DIAPH3: variants seen among roughly 807,000 people sequenced by gnomAD.
DIAPH3 encodes the protein diaphanous related formin 3, also known as protein diaphanous homolog 3.
DIAPH3 carries 117 observed loss-of-function variants against 144.3 expected under a neutral mutation model. The observed-to-expected ratio is 0.81, with a 90% CI of 0.70 to 0.95. DIAPH3 has a LOEUF of 0.95. Among genes scored for constraint, DIAPH3 ranks in the 40% least tolerant of loss-of-function variants. DIAPH3 has a pLI of 0.00. For synonymous variants in DIAPH3, 519 were observed against 488.9 expected, an observed-to-expected ratio of 1.06 and a Z score of -0.81; for missense variants, 1,421 against 1,412.7, an observed-to-expected ratio of 1.01 and a Z score of -0.09.
chr13:59,718,673 T>C (rs903103055), intron 27 of DIAPH3, among the ~76,000 whole-genome samples: 14 of 152,192 alleles, frequency 9.2e-5, no homozygotes, highest in Non-Finnish European at 2.1e-4. Flanking sequence ...ATACAACATA[T>C]ATAATTGAGA....
At chr13:59,757,594 G>T (rs2037354066) in intron 27 of DIAPH3, among the ~76,000 whole-genome samples, 1 of 151,862 alleles carries the variant, frequency 6.6e-6, no homozygotes, top group Non-Finnish European at 1.5e-5. Flanking sequence ...TAGAGATGGG[G>T]TTTCACCGTG....
At chr13:60,006,470 T>C (rs569264835) in intron 9 of DIAPH3, among the ~76,000 whole-genome samples, 103 of 152,204 alleles carry the variant, frequency 6.8e-4, no homozygotes, top group Admixed American at 2.4e-3. Flanking sequence ...GATAAAGTAA[T>C]GGTTCAACTT....
At chr13:59,847,286 T>A (rs2042697583) in intron 22 of DIAPH3, among the ~76,000 whole-genome samples, 1 of 152,168 alleles carries the variant, frequency 6.6e-6, no homozygotes, top group Non-Finnish European at 1.5e-5. Flanking sequence ...TTTTGTTGTT[T>A]TTACATAATA....
intron 2 of DIAPH3, among the ~76,000 whole-genome samples, chr13:60,122,500 C>G (rs575788425): frequency 1.6e-3 from 243 of 152,242 alleles, no homozygotes; most frequent in Non-Finnish European, 2.9e-3. Context: ...TCTGAACTTA[C>G]CACAGTTCTA....
At chr13:60,074,208 C>T (rs934732240) in intron 4 of DIAPH3, among the ~76,000 whole-genome samples, 2 of 152,166 alleles carry the variant, frequency 1.3e-5, no homozygotes, top group African/African-American at 4.8e-5. Flanking sequence ...TTAGCACATA[C>T]TTAGGGCCCA....
At chr13:60,081,369 A>G (rs180908913) in intron 4 of DIAPH3, among the ~76,000 whole-genome samples, 214 of 152,210 alleles carry the variant, frequency 1.4e-3, no homozygotes, top group Non-Finnish European at 2.5e-3. Flanking sequence ...GCTAACAGCT[A>G]AAAGTTACAT....
intron 13 of DIAPH3, among the ~76,000 whole-genome samples, chr13:59,982,688 A>G (rs970877116): frequency 6.6e-6 from 1 of 151,656 alleles, no homozygotes; most frequent in Non-Finnish European, 1.5e-5. Flanking sequence ...ACAATGTGGA[A>G]TCACATATCA....
Position 59,861,243 on chromosome 13 carries a change from A to G in DIAPH3, c.2737+164T>C, listed in dbSNP as rs1481783355. 4 of 1,516,818 alleles carry G rather than the reference A, an allele frequency of 2.6e-6. No individual in the cohort carries two copies. In the East Asian group the frequency reaches 9.8e-5, roughly 37 times the overall value. The allele number at this position is 1,516,818 out of a possible 1,614,324, so 94.0% of individuals were successfully genotyped here. A position where few individuals can be genotyped will look rare whatever the true frequency, so the allele number is the denominator to read the frequency against. ...ACAAATTAAACTCATAGCTCCAATC[A>G]TGACAACTCATAATATCCTACAACT... is the stretch of plus-strand genomic sequence containing the variant. On this transcript the variant is annotated intron_variant, in intron 22 of 27. Coordinates refer to ENST00000400324, the MANE Select transcript of DIAPH3 (RefSeq NM_001042517.2).
chr13:59,974,521 T>C (rs541944152), intron 14 of DIAPH3, 65 bp from the exon 15 acceptor site: 11 of 1,323,940 alleles, frequency 8.3e-6, no homozygotes, highest in East Asian at 2.3e-5. Flanking sequence ...ATTCTTCTTA[T>C]AGAAATGTGA....
At chr13:60,119,802 C>T (rs2058799751) in intron 2 of DIAPH3, among the ~76,000 whole-genome samples, 1 of 142,370 alleles carries the variant, frequency 7.0e-6, no homozygotes, top group African/African-American at 2.6e-5. Context: ...TTTTAAGTCA[C>T]TAAGTTTTGG....
At chr13:60,045,625 T>C (rs1014287389) in intron 4 of DIAPH3, among the ~76,000 whole-genome samples, 1 of 152,200 alleles carries the variant, frequency 6.6e-6, no homozygotes, top group Non-Finnish European at 1.5e-5. Context: ...CTTGATATCA[T>C]AAATTTTTCA....
intron 20 of DIAPH3, among the ~76,000 whole-genome samples, chr13:59,901,438 G>T (rs895273865): frequency 6.6e-6 from 1 of 152,074 alleles, no homozygotes; most frequent in Admixed American, 6.6e-5. Flanking sequence ...AGTCACTCCG[G>T]CTTCTGCTCA....
chr13:60,011,948 T>C (rs971779404), intron 7 of DIAPH3, among the ~76,000 whole-genome samples: 5 of 152,058 alleles, frequency 3.3e-5, no homozygotes, highest in Non-Finnish European at 5.9e-5. Flanking sequence ...ATACAGAAGA[T>C]GAATAGAAAC....
intron 4 of DIAPH3, among the ~76,000 whole-genome samples, chr13:60,082,169 C>A (rs1374452848): frequency 6.6e-6 from 1 of 150,694 alleles, no homozygotes; most frequent in Non-Finnish European, 1.5e-5. Flanking sequence ...ATAAAAAAAT[C>A]ATTTCAGAAA....
At chr13:60,056,225 T>A (rs1401468946) in intron 4 of DIAPH3, among the ~76,000 whole-genome samples, 1 of 149,832 alleles carries the variant, frequency 6.7e-6, no homozygotes, top group Non-Finnish European at 1.5e-5. Context: ...ATTTTATATG[T>A]TATATATAAT....
chr13:59,902,121 G>C (rs2046468693), intron 20 of DIAPH3, among the ~76,000 whole-genome samples: 1 of 152,114 alleles, frequency 6.6e-6, no homozygotes, highest in Non-Finnish European at 1.5e-5. Flanking sequence ...TATTTTGACT[G>C]TTAAACATGT....
At chr13:60,052,980 A>AAAAAAAAAAAAG (rs1566716662) in intron 4 of DIAPH3, among the ~76,000 whole-genome samples, 1 of 142,712 alleles carries the variant, frequency 7.0e-6, no homozygotes, top group African/African-American at 2.6e-5. Flanking sequence ...AAAAAAAAAA[A>AAAAAAAAAAAAG]GAAATAATAA....
intron 27 of DIAPH3, among the ~76,000 whole-genome samples, chr13:59,773,045 A>G (rs921171242): frequency 3.3e-5 from 5 of 152,108 alleles, no homozygotes; most frequent in South Asian, 2.1e-4. Context: ...ATATGTCACA[A>G]TGGCTCTAAA....
chr13:60,100,542 G>A (rs565224446), intron 3 of DIAPH3, among the ~76,000 whole-genome samples: 5 of 152,192 alleles, frequency 3.3e-5, no homozygotes, highest in South Asian at 2.1e-4. Context: ...TAGCAATATC[G>A]TCTCAGTATT....
Sources: gnomAD v4.1 joint callset for allele counts (sites outside exome capture counted in the v4.1 genomes callset) on GRCh38, gnomAD v4.1.1 for gene constraint, MANE v1.5 for transcripts, NCBI Gene and HGNC (gene_info 2026-07-23, HGNC 2026-07-21) for gene names.